ADCY3: variants seen among roughly 807,000 people sequenced by gnomAD.
ADCY3 encodes adenylate cyclase type 3.
ADCY3 carries 70 observed loss-of-function variants against 119.4 expected under a neutral mutation model. The ratio of observed to expected loss-of-function variants is 0.59; its 90% confidence interval spans 0.48 to 0.72. The LOEUF (loss-of-function observed/expected upper bound fraction) is 0.72, where lower values mean the gene tolerates loss of function less well. Ranked by LOEUF, ADCY3 falls within the 30% of genes least tolerant of loss-of-function variation. The pLI is 0.00. For synonymous variants in ADCY3, 672 were observed against 621.4 expected, an observed-to-expected ratio of 1.08 and a Z score of -1.21; for missense variants, 1,238 against 1,541.6, an observed-to-expected ratio of 0.80 and a Z score of 3.30.
intron 2 of ADCY3, among the ~76,000 whole-genome samples, chr2:24,900,851 G>A (rs1025313091): frequency 4.6e-5 from 7 of 152,122 alleles, no homozygotes; most frequent in Non-Finnish European, 8.8e-5. Context: ...GATCACCTGA[G>A]GTCAGGAGTT....
In ADCY3 at chr2:24,834,442, CGCAG is replaced by C; in HGVS notation, c.1967+39_1967+42del. 4 of 1,514,642 alleles carry C rather than the reference CGCAG, an allele frequency of 2.6e-6. No individual in the cohort carries two copies. Among genetic ancestry groups the C allele is most frequent in the South Asian group, 2.3e-5 (2 of 86,046 alleles). The allele number at this position is 1,514,642 out of a possible 1,614,324, so 93.8% of individuals were successfully genotyped here. A position where few individuals can be genotyped will look rare whatever the true frequency, so the allele number is the denominator to read the frequency against. On this transcript the variant is annotated intron_variant, in intron 11 of 21. Transcript: ENST00000679454. The surrounding 1 kb of genome is among the most constrained non-coding windows in gnomAD (Gnocchi z 4.2). ...GCCCCCGCCCCCCGCCCGGCACCAC[CGCAG>C]CCGAGGAAACTCGTGGCCCTCCCCG...
chr2:24,822,467 C>T lies in ADCY3; in HGVS notation c.3003+44G>A, dbSNP rs1667923464. 10 of 1,601,444 alleles carry T rather than the reference C, an allele frequency of 6.2e-6. No individual in the cohort carries two copies. The East Asian group carries it at 2.2e-4, about 36-fold the overall frequency. On this transcript the variant is annotated intron_variant, in intron 19 of 21. Coordinates refer to ENST00000679454, the MANE Select transcript of ADCY3 (RefSeq NM_004036.5). ...TAGGTCTGGGCTGCCAATCTCTTGC[C>T]TTGGGGGCAGAGCCTCATCTCTCTG...
chr2:24,901,013 C>A (rs773645501), intron 2 of ADCY3, among the ~76,000 whole-genome samples: 4 of 152,000 alleles, frequency 2.6e-5, no homozygotes, highest in Non-Finnish European at 5.9e-5. Context: ...TGCAGTGAGC[C>A]GAGATCATGC....
intron 2 of ADCY3, among the ~76,000 whole-genome samples, chr2:24,914,710 G>A (rs1664232297): frequency 6.6e-6 from 1 of 151,712 alleles, no homozygotes; most frequent in African/African-American, 2.4e-5. Flanking sequence ...GGGACAGGCA[G>A]GGGCTAGAGG....
rs752403966 is a variant in ADCY3 at position 24,822,529 on chromosome 2, G to A, written c.2985C>T (p.Gly995=). 56 of 1,613,962 alleles carry A rather than the reference G, an allele frequency of 3.5e-5. No homozygotes were observed. The East Asian group carries it at 1.2e-3, about 35-fold the overall frequency. Residue 995 remains glycine, a synonymous_variant, in exon 19 of 22, where the codon GGC becomes GGT. Coordinates refer to ENST00000679454, the MANE Select transcript of ADCY3 (RefSeq NM_004036.5). ...SGVTPDVNTN[G]FASSNKEDKS... Reference sequence around the variant, plus strand: ...TAGCTACCTTGTTGGAGCTGGCAAAGCCATTGGTGTTGACATCGGGGGTGA... The same window carrying A: ...TAGCTACCTTGTTGGAGCTGGCAAAACCATTGGTGTTGACATCGGGGGTGA...
chr2:24,896,860 T>C (rs565269888), intron 2 of ADCY3, among the ~76,000 whole-genome samples: 7 of 152,118 alleles, frequency 4.6e-5, no homozygotes, highest in Non-Finnish European at 8.8e-5. Context: ...ATCTCGCCAG[T>C]CTCCGTTTGG....
chr2:24,913,760 G>A (rs955114408), intron 2 of ADCY3, among the ~76,000 whole-genome samples: 1 of 152,202 alleles, frequency 6.6e-6, no homozygotes, highest in Non-Finnish European at 1.5e-5. Context: ...AATGATTGCT[G>A]TGTAATTTGC....
At chr2:24,821,797 C>T in intron 19 of ADCY3, 157 bp from the exon 20 acceptor site, 1 of 1,097,306 alleles carries the variant, frequency 9.1e-7, no homozygotes, top group Non-Finnish European at 1.3e-6. Flanking sequence ...CACGCTAGCT[C>T]TGACTTGCCA....
chr2:24,860,554 A>C (rs1384493280), intron 3 of ADCY3, among the ~76,000 whole-genome samples: 2 of 152,182 alleles, frequency 1.3e-5, no homozygotes, highest in African/African-American at 4.8e-5. Context: ...GACTGGAGCC[A>C]GGGAGGTTAA....
At chr2:24,915,793 A>C (rs1459242264) in intron 2 of ADCY3, among the ~76,000 whole-genome samples, 1 of 152,164 alleles carries the variant, frequency 6.6e-6, no homozygotes, top group African/African-American at 2.4e-5. Context: ...CGCCCGCCTC[A>C]GCCTGCCAAA....
intron 3 of ADCY3, among the ~76,000 whole-genome samples, chr2:24,845,159 G>A (rs764791959): frequency 1.3e-5 from 2 of 152,152 alleles, no homozygotes; most frequent in African/African-American, 2.4e-5. Flanking sequence ...GCGTGAAAAC[G>A]GACTAATACA....
intron 16 of ADCY3, among the ~76,000 whole-genome samples, chr2:24,825,334 C>CGGGGGGGGGGG (rs768838126): frequency 2.5e-5 from 2 of 81,574 alleles, no homozygotes; most frequent in African/African-American, 1.4e-4. Context: ...GTGGTTGTGG[C>CGGGGGGGGGGG]GGGGGGGGGG....
Position 24,918,700 on chromosome 2 carries a change from A to G in ADCY3, c.288T>C (p.Cys96=), listed in dbSNP as rs780623734. Residue 96 remains cysteine (C), a synonymous_variant, in exon 2 of 22, where the codon TGT becomes TGC. Transcript: ENST00000679454. This position sits in a 1 kb window ranked among gnomAD's most constrained non-coding sequence, Gnocchi z 5.4. ...GCTTGTCGCTGGAGAAGACCACAGC[A>G]CACATGACCACCACGTAGCAGTCAA... ...ALFDCYVVVM[C]AVVFSSDKLA... 6.2e-7 allele frequency: 1 copy of G among 1,614,040 alleles called. No individual in the cohort carries two copies. Among genetic ancestry groups the G allele is most frequent in the South Asian group, 1.1e-5 (1 of 91,076 alleles).
At position 24,919,549 on chromosome 2, in the gene ADCY3, G is replaced by T. The variant is rs1664866839; in HGVS notation, c.-198+134C>A. 1 of 153,340 alleles carries T rather than the reference G, an allele frequency of 6.5e-6. No homozygotes were observed. Among genetic ancestry groups the T allele is most frequent in the Admixed American group, 6.5e-5 (1 of 15,402 alleles). The allele number at this position is 153,340 out of a possible 1,614,324, so 9.5% of individuals were successfully genotyped here. On this transcript the variant is annotated intron_variant, in intron 1 of 21. Coordinates refer to ENST00000679454, the MANE Select transcript of ADCY3 (RefSeq NM_004036.5). This position sits in a 1 kb window ranked among gnomAD's most constrained non-coding sequence, Gnocchi z 5.5. ...GAAAGAAATCAGGACCATCGTGGGG[G>T]ATTCCTGAGCCTTCCTTCTGTTTAC...
intron 2 of ADCY3, among the ~76,000 whole-genome samples, chr2:24,917,206 C>G (rs950527708): frequency 6.6e-6 from 1 of 152,224 alleles, no homozygotes; most frequent in South Asian, 2.1e-4. Flanking sequence ...TAGAGGCTCA[C>G]GTCAGTCAGC....
intron 20 of ADCY3, 78 bp from the exon 21 acceptor site, chr2:24,820,926 A>T (rs1205980258): frequency 3.2e-6 from 5 of 1,562,206 alleles, no homozygotes; most frequent in Non-Finnish European, 4.3e-6. Flanking sequence ...TCCTCTCCAG[A>T]CCTGTACCAC....
chr2:24,888,348 C>T (rs1207426839), intron 2 of ADCY3, among the ~76,000 whole-genome samples: 1 of 152,240 alleles, frequency 6.6e-6, no homozygotes, highest in Non-Finnish European at 1.5e-5. Context: ...GACGGCTCAG[C>T]TCCTGTCCCA....
At chr2:24,907,503 T>C (rs1663012567) in intron 2 of ADCY3, among the ~76,000 whole-genome samples, 1 of 152,108 alleles carries the variant, frequency 6.6e-6, no homozygotes, top group African/African-American at 2.4e-5. Context: ...AAGAAACAGT[T>C]TCATTTCTAA....
rs1201381487 is a variant in ADCY3, at chr2:24,918,840, G to A, written c.148C>T (p.Pro50Ser). 2.5e-6 allele frequency: 4 copies of A among 1,613,510 alleles called. No individual in the cohort carries two copies. Among genetic ancestry groups the A allele is most frequent in the East Asian group, 4.5e-5 (2 of 44,880 alleles). Residue 50 changes from proline (P) to serine (S), a missense_variant, in exon 2 of 22, where the codon CCT becomes TCT. Coordinates refer to ENST00000679454, the MANE Select transcript of ADCY3 (RefSeq NM_004036.5). The surrounding 1 kb of genome is among the most constrained non-coding windows in gnomAD (Gnocchi z 5.4). ...ACGAAAGTCAGCCGCATGAAGCGAG[G>A]CAGGCACAGGCAGGAGCCCGAGTTC... Reference protein sequence around the residue: ...VRNSGSCLCLPRFMRLTFVPE... With the variant: ...VRNSGSCLCLSRFMRLTFVPE...
Sources: allele counts gnomAD v4.1 joint callset (sites outside exome capture counted in the v4.1 genomes callset), GRCh38; gene constraint gnomAD v4.1.1; non-coding constraint Gnocchi (gnomAD v3.1); transcripts MANE v1.5; gene names NCBI Gene and HGNC (gene_info 2026-07-23, HGNC 2026-07-21).